The following CSMD1 variants were observed in gnomAD, a reference collection of about 807,000 sequenced individuals.
The protein encoded by CSMD1 is CUB and Sushi multiple domains 1.
A neutral mutation model predicts 417.5 loss-of-function variants in CSMD1; 213 were observed. That is an observed-to-expected ratio of 0.51 (90% CI 0.46 to 0.57). The LOEUF is 0.57. Among genes scored for constraint, CSMD1 ranks in the 20% least tolerant of loss-of-function variants. The probability of loss-of-function intolerance (pLI) is 0.00; values close to 1 mark genes in which losing one functional copy is unlikely to be tolerated. For synonymous variants in CSMD1, 2,862 were observed against 1,736.8 expected (o/e 1.65, Z -16.11); for missense variants, 6,923 against 4,529.7 (o/e 1.53, Z -15.17).
intron 4 of CSMD1, among the ~76,000 whole-genome samples, chr8:4,015,120 G>A (rs1796459047): frequency 6.6e-6 from 1 of 152,190 alleles, no homozygotes; most frequent in East Asian, 1.9e-4. Context: ...AAACCAAATT[G>A]TCTAAAACTA....
chr8:4,628,622 G>T (rs999507523), intron 2 of CSMD1, among the ~76,000 whole-genome samples: 3 of 144,420 alleles, frequency 2.1e-5, no homozygotes, highest in African/African-American at 7.6e-5. Flanking sequence ...TAAAAAAAAT[G>T]CTCTCCTCAC....
chr8:3,867,113 T>G (rs575527454), intron 5 of CSMD1, among the ~76,000 whole-genome samples: 3 of 152,346 alleles, frequency 2.0e-5, no homozygotes, highest in Admixed American at 6.5e-5. Context: ...TTGATTGATT[T>G]TTTTTCTACT....
chr8:4,737,217 T>C (rs1003172346), intron 1 of CSMD1, among the ~76,000 whole-genome samples: 3 of 152,160 alleles, frequency 2.0e-5, no homozygotes, highest in African/African-American at 4.8e-5. Context: ...CCATTATCTT[T>C]AGCAAACTAA....
intron 25 of CSMD1, among the ~76,000 whole-genome samples, chr8:3,292,487 C>G (rs754172262): frequency 6.6e-6 from 1 of 152,158 alleles, no homozygotes; most frequent in Non-Finnish European, 1.5e-5. Flanking sequence ...TGTCTAAGGA[C>G]TTGCTTCAAG....
chr8:4,350,328 T>A (rs544107897), intron 3 of CSMD1, among the ~76,000 whole-genome samples: 1 of 152,250 alleles, frequency 6.6e-6, no homozygotes, highest in South Asian at 2.1e-4. Context: ...CTGACACACC[T>A]GAGGGGCACA....
chr8:3,115,530 A>T (rs1816816144), intron 42 of CSMD1, among the ~76,000 whole-genome samples: 1 of 152,030 alleles, frequency 6.6e-6, no homozygotes, highest in Non-Finnish European at 1.5e-5. Context: ...TTAATTTTTT[A>T]ACTGAGACTT....
At chr8:4,645,286 C>T (rs542142867) in intron 1 of CSMD1, among the ~76,000 whole-genome samples, 1 of 151,996 alleles carries the variant, frequency 6.6e-6, no homozygotes, top group Admixed American at 6.6e-5. Flanking sequence ...CAATGTTGTT[C>T]CCTCTGCTGT....
At chr8:4,683,894 A>T (rs1806205664) in intron 1 of CSMD1, among the ~76,000 whole-genome samples, 1 of 152,340 alleles carries the variant, frequency 6.6e-6, no homozygotes, top group South Asian at 2.1e-4. Flanking sequence ...CTTTATAGGA[A>T]AGGACTAATT....
At chr8:3,299,948 T>G (rs945170274) in intron 25 of CSMD1, among the ~76,000 whole-genome samples, 3 of 152,160 alleles carry the variant, frequency 2.0e-5, no homozygotes, top group Non-Finnish European at 4.4e-5. Context: ...AAAATTGAAA[T>G]GTGCAAACAT....
intron 1 of CSMD1, among the ~76,000 whole-genome samples, chr8:4,801,745 C>A (rs548089025): frequency 3.8e-4 from 58 of 151,426 alleles, no homozygotes; most frequent in Non-Finnish European, 7.2e-4. Context: ...AGGAAAAACA[C>A]AGAAACTTTG....
intron 1 of CSMD1, among the ~76,000 whole-genome samples, chr8:4,841,911 C>CAAACAAAACAAAAAAA (rs779855887): frequency 8.6e-5 from 3 of 34,828 alleles, no homozygotes; most frequent in Non-Finnish European, 1.3e-4. Flanking sequence ...AACTCCGTCT[C>CAAACAAAACAAAAAAA]AAAAAAAAAA....
At chr8:4,578,571 T>C (rs780787546) in intron 2 of CSMD1, among the ~76,000 whole-genome samples, 6 of 151,492 alleles carry the variant, frequency 4.0e-5, no homozygotes, top group Admixed American at 1.3e-4. Flanking sequence ...AATCTCGGCA[T>C]TTTGGGAGGC....
intron 3 of CSMD1, among the ~76,000 whole-genome samples, chr8:4,308,251 T>TA (rs762583694): frequency 5.9e-5 from 9 of 151,832 alleles, no homozygotes; most frequent in Non-Finnish European, 1.2e-4. Context: ...TAGTTTTTTT[T>TA]ATGTGTGTGT....
intron 2 of CSMD1, among the ~76,000 whole-genome samples, chr8:4,611,072 G>A (rs1585327952): frequency 6.6e-6 from 1 of 151,916 alleles, no homozygotes; most frequent in Non-Finnish European, 1.5e-5. Context: ...TAAGAAAAGT[G>A]AAAGAAGACC....
intron 3 of CSMD1, among the ~76,000 whole-genome samples, chr8:4,131,937 G>T (rs780198722): frequency 2.0e-4 from 30 of 151,530 alleles, no homozygotes; most frequent in Non-Finnish European, 3.5e-4. Context: ...TACTTTTTTG[G>T]TATTTTTTAG....
intron 7 of CSMD1, among the ~76,000 whole-genome samples, chr8:3,623,036 G>C (rs1315813674): frequency 3.3e-5 from 5 of 152,126 alleles, no homozygotes; most frequent in African/African-American, 9.7e-5. Flanking sequence ...AAACCCTGTA[G>C]TTAAAAATCA....
intron 3 of CSMD1, among the ~76,000 whole-genome samples, chr8:4,320,614 C>T (rs1054515494): frequency 6.6e-6 from 1 of 152,028 alleles, no homozygotes; most frequent in Non-Finnish European, 1.5e-5. Flanking sequence ...CGGTGTTTGG[C>T]TTTCTGTTCT....
intron 3 of CSMD1, among the ~76,000 whole-genome samples, chr8:4,282,813 A>G (rs564159783): frequency 7.9e-5 from 12 of 152,300 alleles, no homozygotes; most frequent in Non-Finnish European, 1.3e-4. Flanking sequence ...AGTCGGGTAT[A>G]TATCAGATTC....
chr8:4,175,430 T>G (rs892772616), intron 3 of CSMD1, among the ~76,000 whole-genome samples: 17 of 151,800 alleles, frequency 1.1e-4, no homozygotes, highest in African/African-American at 4.1e-4. Flanking sequence ...GGAATATGTT[T>G]AAGTAATTGA....
Sources: allele counts gnomAD v4.1 joint callset (sites outside exome capture counted in the v4.1 genomes callset), GRCh38; gene constraint gnomAD v4.1.1; transcripts MANE v1.5; gene names NCBI Gene and HGNC (gene_info 2026-07-23, HGNC 2026-07-21).